The following GPATCH2 variants were observed in gnomAD, a reference collection of about 807,000 sequenced individuals.
GPATCH2 encodes the protein G patch domain-containing protein 2.
GPATCH2 carries 51 observed loss-of-function variants against 58.0 expected under a neutral mutation model. The ratio of observed to expected loss-of-function variants is 0.88; its 90% CI spans 0.70 to 1.11. GPATCH2 has a LOEUF of 1.11. Among genes scored for constraint, GPATCH2 ranks in the 50% most tolerant of loss-of-function variants. The pLI is 0.00. For synonymous variants in GPATCH2, 222 were observed against 218.5 expected, an observed-to-expected ratio of 1.02 and a Z score of -0.14; for missense variants, 625 against 652.2, an observed-to-expected ratio of 0.96 and a Z score of 0.45.
At chr1:217,625,446 G>A (rs1028887803) in intron 1 of GPATCH2, among the ~76,000 whole-genome samples, 2 of 151,940 alleles carry the variant, frequency 1.3e-5, no homozygotes, top group African/African-American at 4.8e-5. Flanking sequence ...AATATAAGTG[G>A]GAATAGCAAG....
In GPATCH2 at chr1:217,453,423, T is replaced by A. The variant is rs540729745; in HGVS notation, c.1278-4086A>T. Among the ~76,000 whole-genome samples the A allele has an allele frequency of 3.9e-5, 6 of 152,336 alleles. No individual in the cohort carries two copies. The East Asian group carries it at 1.2e-3, about 29-fold the overall frequency. ...GGAAAGGATAAAGAAATGGTGCATT[T>A]TTGTTACGGGTCTGTCACTTACGAT... On this transcript the variant is annotated intron_variant, in intron 8 of 9. Coordinates refer to ENST00000366935, the MANE Select transcript of GPATCH2 (RefSeq NM_018040.5).
At chr1:217,440,972 A>C (rs561773790) in intron 9 of GPATCH2, among the ~76,000 whole-genome samples, 16 of 152,078 alleles carry the variant, frequency 1.1e-4, no homozygotes, top group Non-Finnish European at 1.8e-4. Context: ...CATCAAGCTA[A>C]CATTGACTTT....
intron 8 of GPATCH2, among the ~76,000 whole-genome samples, chr1:217,450,691 C>A (rs559028614): frequency 2.7e-4 from 41 of 152,142 alleles, no homozygotes; most frequent in Non-Finnish European, 4.6e-4. Context: ...TTCAAAAATT[C>A]ATTCTGTTAA....
intron 1 of GPATCH2, 102 bp from the exon 2 acceptor site, chr1:217,620,601 G>A: frequency 4.7e-6 from 3 of 638,788 alleles, no homozygotes; most frequent in Non-Finnish European, 2.7e-6. Context: ...AAAAATTAAT[G>A]ATTACAAAAT....
At chr1:217,589,431 A>G (rs1291598035) in intron 5 of GPATCH2, among the ~76,000 whole-genome samples, 1 of 152,174 alleles carries the variant, frequency 6.6e-6, no homozygotes, top group Non-Finnish European at 1.5e-5. Flanking sequence ...CTCAAGTTCT[A>G]TCTCCTAGAA....
In GPATCH2 at chr1:217,553,517, G is replaced by T. The variant is rs529961771; in HGVS notation, c.1099-38628C>A. ...TCACAGGTATATCATTATTGTAATT[G>T]TAAGAATATGTATACTAGATATATT... On this transcript the variant is annotated intron_variant, in intron 5 of 9. Transcript: ENST00000366935. 5.9e-5 allele frequency among the ~76,000 whole-genome samples: 9 copies of T among 152,046 alleles called. No homozygotes were observed. The East Asian group carries it at 1.5e-3, about 26-fold the overall frequency.
intron 5 of GPATCH2, among the ~76,000 whole-genome samples, chr1:217,564,892 A>G (rs757733527): frequency 6.6e-6 from 1 of 152,226 alleles, no homozygotes; most frequent in Admixed American, 6.5e-5. Flanking sequence ...TCTAAAAAAA[A>G]TGACTGCGAT....
intron 5 of GPATCH2, among the ~76,000 whole-genome samples, chr1:217,557,431 A>T (rs1047531350): frequency 2.0e-5 from 3 of 151,156 alleles, no homozygotes; most frequent in African/African-American, 7.3e-5. Context: ...AAAAAAAAAA[A>T]ATTCCGTTCA....
At chr1:217,556,574 T>C (rs561299483) in intron 5 of GPATCH2, among the ~76,000 whole-genome samples, 11 of 152,354 alleles carry the variant, frequency 7.2e-5, no homozygotes, top group Non-Finnish European at 1.3e-4. Context: ...AGTATTCCAC[T>C]GAATGAATAT....
At chr1:217,537,073 T>A (rs1295679428) in intron 5 of GPATCH2, among the ~76,000 whole-genome samples, 2 of 152,212 alleles carry the variant, frequency 1.3e-5, no homozygotes, top group African/African-American at 2.4e-5. Context: ...GTTAAAAAAA[T>A]TCAGTATTTT....
intron 5 of GPATCH2, among the ~76,000 whole-genome samples, chr1:217,533,661 A>G (rs1664316224): frequency 6.6e-6 from 1 of 152,210 alleles, no homozygotes; most frequent in African/African-American, 2.4e-5. Flanking sequence ...ATAAAGCAAT[A>G]ATCACTTGTT....
Position 217,502,553 on chromosome 1 carries a change from TTTATAAA to T in GPATCH2, c.1167-4165_1167-4159del, listed in dbSNP as rs775963535. Among the ~76,000 whole-genome samples, 33 of 152,120 alleles carry T rather than the reference TTTATAAA, an allele frequency of 2.2e-4. 1 individual carries two copies. Among genetic ancestry groups the T allele is most frequent in the Non-Finnish European group, 7.4e-5 (5 of 68,000 alleles). The stretch of plus-strand genomic sequence containing the variant: ...ACTATTAACATTTTACTCTACTTGG[TTTATAAA>T]TTATCTGTCTATGGCATCTTTTGAT... On this transcript the variant is annotated intron_variant, in intron 6 of 9. Transcript: ENST00000366935.
intron 7 of GPATCH2, among the ~76,000 whole-genome samples, chr1:217,496,437 T>G (rs1249213985): frequency 6.6e-6 from 1 of 151,956 alleles, no homozygotes; most frequent in Non-Finnish European, 1.5e-5. Flanking sequence ...ATGCTATGAG[T>G]TTTTTGGGTT....
intron 2 of GPATCH2, among the ~76,000 whole-genome samples, chr1:217,616,597 G>A (rs923247520): frequency 6.6e-6 from 1 of 152,090 alleles, no homozygotes; most frequent in African/African-American, 2.4e-5. Flanking sequence ...GGTATCTAGA[G>A]TTGTTCCGTG....
intron 8 of GPATCH2, among the ~76,000 whole-genome samples, chr1:217,455,595 T>C (rs980985000): frequency 5.9e-5 from 9 of 152,138 alleles, no homozygotes; most frequent in Non-Finnish European, 1.0e-4. Flanking sequence ...CTACAGGTAA[T>C]TGGTGGCCTC....
chr1:217,510,771 T>G (rs1662805661), intron 6 of GPATCH2, among the ~76,000 whole-genome samples: 1 of 152,100 alleles, frequency 6.6e-6, no homozygotes. Flanking sequence ...TTAAGAAATA[T>G]TTTTAATAAT....
At chr1:217,568,730 G>A (rs1280005719) in intron 5 of GPATCH2, among the ~76,000 whole-genome samples, 1 of 152,160 alleles carries the variant, frequency 6.6e-6, no homozygotes, top group African/African-American at 2.4e-5. Flanking sequence ...TTGATATAGG[G>A]TCTTGTCTTG....
chr1:217,450,625 C>T (rs976900814), intron 8 of GPATCH2, among the ~76,000 whole-genome samples: 14 of 152,040 alleles, frequency 9.2e-5, no homozygotes, highest in African/African-American at 3.1e-4. Flanking sequence ...TTTTATTGAG[C>T]GCATACTGTT....
intron 2 of GPATCH2, among the ~76,000 whole-genome samples, chr1:217,617,812 C>G (rs1389011772): frequency 6.6e-6 from 1 of 151,954 alleles, no homozygotes; most frequent in Non-Finnish European, 1.5e-5. Flanking sequence ...AAACGTGTAC[C>G]TGGGCTGTTT....
Sources: gnomAD v4.1 joint callset for allele counts (sites outside exome capture counted in the v4.1 genomes callset) on GRCh38, gnomAD v4.1.1 for gene constraint, MANE v1.5 for transcripts, NCBI Gene and HGNC (gene_info 2026-07-23, HGNC 2026-07-21) for gene names.